Variants in ASPH observed in about 807,000 individuals in gnomAD.
ASPH encodes aspartate beta-hydroxylase, also known as aspartyl/asparaginyl beta-hydroxylase.
Under a neutral mutation model 118.4 loss-of-function variants are expected in ASPH, and 100 were observed. That is an observed-to-expected ratio of 0.84 (90% confidence interval 0.72 to 1.00). ASPH has a LOEUF of 1.00. Ranked by LOEUF, ASPH falls within the 50% of genes least tolerant of loss-of-function variation. The pLI is 0.00. For missense variants in ASPH, 920 were observed against 919.5 expected, an observed-to-expected ratio of 1.00 and a Z score of -0.01; for synonymous variants, 315 against 325.6, an observed-to-expected ratio of 0.97 and a Z score of 0.35.
intron 22 of ASPH, among the ~76,000 whole-genome samples, chr8:61,519,616 T>C (rs1812212232): frequency 6.6e-6 from 1 of 152,194 alleles, no homozygotes; most frequent in Admixed American, 6.5e-5. Context: ...CACATTAAAA[T>C]AGGGAGATTA....
intron 1 of ASPH, among the ~76,000 whole-genome samples, chr8:61,697,097 G>C (rs1163181901): frequency 6.6e-6 from 1 of 152,140 alleles, no homozygotes; most frequent in Non-Finnish European, 1.5e-5. Context: ...GATGCAAATG[G>C]GGAGGAAAGT....
chr8:61,608,126 G>A (rs777675027), intron 14 of ASPH, among the ~76,000 whole-genome samples: 8 of 152,116 alleles, frequency 5.3e-5, no homozygotes, highest in South Asian at 2.1e-4. Context: ...AGTAACTGAC[G>A]GCATCAGAAA....
intron 13 of ASPH, chr8:61,625,512 T>G: frequency 1.0e-6 from 1 of 985,348 alleles, no homozygotes; most frequent in Non-Finnish European, 1.2e-6. Context: ...TAATCTGAGG[T>G]GCCAACAAAG....
intron 1 of ASPH, among the ~76,000 whole-genome samples, chr8:61,698,953 T>C (rs1048762696): frequency 6.6e-6 from 1 of 152,266 alleles, no homozygotes; most frequent in Admixed American, 6.5e-5. Context: ...GTCTGGTCTT[T>C]GCCCTTGGTT....
At chr8:61,559,196 T>C (rs1023859512) in intron 18 of ASPH, among the ~76,000 whole-genome samples, 1 of 152,244 alleles carries the variant, frequency 6.6e-6, no homozygotes, top group South Asian at 2.1e-4. Context: ...AATCCAATTA[T>C]ATGCTTTTTA....
intron 14 of ASPH, among the ~76,000 whole-genome samples, chr8:61,618,148 G>A (rs985434278): frequency 2.0e-5 from 3 of 151,956 alleles, no homozygotes; most frequent in Non-Finnish European, 4.4e-5. Flanking sequence ...TCAACTTGTG[G>A]GCTGTGAAAT....
chr8:61,621,891 A>G (rs1851064534), intron 13 of ASPH, among the ~76,000 whole-genome samples: 1 of 152,268 alleles, frequency 6.6e-6, no homozygotes, highest in African/African-American at 2.4e-5. Context: ...CGTATTCAGA[A>G]AAAAAAGATG....
At chr8:61,677,659 C>T (rs1393011261) in intron 3 of ASPH, among the ~76,000 whole-genome samples, 1 of 152,038 alleles carries the variant, frequency 6.6e-6, no homozygotes, top group Non-Finnish European at 1.5e-5. Context: ...TTTGACAAGC[C>T]TAGAATGTTT....
At chr8:61,566,762 C>T (rs1831841397) in intron 17 of ASPH, among the ~76,000 whole-genome samples, 1 of 152,234 alleles carries the variant, frequency 6.6e-6, no homozygotes. Context: ...TTACAACTCA[C>T]TGAAGGCTCA....
At chr8:61,585,186 C>T (rs1387907969) in intron 14 of ASPH, among the ~76,000 whole-genome samples, 2 of 152,198 alleles carry the variant, frequency 1.3e-5, no homozygotes, top group African/African-American at 4.8e-5. Flanking sequence ...ACCCAGCAAA[C>T]AGGAGCCCTC....
chr8:61,544,195 C>A (rs1166664069), intron 21 of ASPH, among the ~76,000 whole-genome samples: 1 of 152,176 alleles, frequency 6.6e-6, no homozygotes, highest in Non-Finnish European at 1.5e-5. Flanking sequence ...AAAATTACCA[C>A]CCCACAAACC....
intron 21 of ASPH, among the ~76,000 whole-genome samples, chr8:61,544,933 T>A (rs1447652582): frequency 6.6e-6 from 1 of 152,078 alleles, no homozygotes; most frequent in East Asian, 1.9e-4. Context: ...TAAAAAGGAA[T>A]TGGCTGTGAA....
intron 1 of ASPH, among the ~76,000 whole-genome samples, chr8:61,706,033 A>G (rs1563665419): frequency 6.6e-6 from 1 of 152,218 alleles, no homozygotes; most frequent in Non-Finnish European, 1.5e-5. Flanking sequence ...AATACTATTG[A>G]AAATGTTTTT....
intron 3 of ASPH, chr8:61,663,225 T>C (rs1279514625): frequency 7.1e-6 from 7 of 985,258 alleles, no homozygotes; most frequent in Non-Finnish European, 8.4e-6. Context: ...CCAGAAGCCC[T>C]ACATTTGATG....
In ASPH at chr8:61,665,488, T is replaced by C. The variant is rs755882203; in HGVS notation, c.323-11828A>G. 24 of 1,565,598 alleles carry C rather than the reference T, an allele frequency of 1.5e-5. No homozygotes were observed. The Middle Eastern group carries it at 2.7e-3, about 173-fold the overall frequency. ...TCCTGGATAGGTCTGCATCAGCAAT[T>C]TTCTTATCCTTTCGGACATCCTCTT... On this transcript the variant is annotated intron_variant, in intron 3 of 24. Transcript: ENST00000379454.
chr8:61,586,940 G>C (rs1839644354), intron 14 of ASPH, among the ~76,000 whole-genome samples: 1 of 152,182 alleles, frequency 6.6e-6, no homozygotes, highest in Non-Finnish European at 1.5e-5. Flanking sequence ...AACTGCAAGA[G>C]AGGCTCTCAC....
Position 61,518,139 on chromosome 8 carries a change from T to TTTCCAAAAATA in ASPH, c.1901-17_1901-16insTATTTTTGGAA. ...TTTCTTCTTCCTAGAATAAATAACA[T>TTTCCAAAAATA]AATTGTTGGAAACAAATCACAGTAA... On this transcript the variant is annotated splice_polypyrimidine_tract_variant and intron_variant, in intron 22 of 24. Transcript: ENST00000379454. 6.2e-7 allele frequency: 1 copy of TTTCCAAAAATA among 1,603,502 alleles called. No individual in the cohort carries two copies. The highest frequency in any genetic ancestry group is 1.1e-5 in the South Asian group (1 of 90,858).
intron 15 of ASPH, among the ~76,000 whole-genome samples, chr8:61,579,994 G>C (rs113811222): frequency 1.3e-5 from 2 of 151,392 alleles, no homozygotes; most frequent in African/African-American, 4.9e-5. Flanking sequence ...ATCCAGTGTG[G>C]CAGTCATTAA....
chr8:61,633,811 A>G (rs1478249835), intron 12 of ASPH, 84 bp from the exon 13 acceptor site: 1 of 893,868 alleles, frequency 1.1e-6, no homozygotes, highest in Non-Finnish European at 1.7e-6. Context: ...AGTAATGATG[A>G]TACTTTTCAT....
Sources: gnomAD v4.1 joint callset for allele counts (sites outside exome capture counted in the v4.1 genomes callset) on GRCh38, gnomAD v4.1.1 for gene constraint, MANE v1.5 for transcripts, NCBI Gene and HGNC (gene_info 2026-07-23, HGNC 2026-07-21) for gene names.